Variants in STK32B observed in about 807,000 individuals in gnomAD.
STK32B encodes the protein serine/threonine kinase 32B.
STK32B carries 43 observed loss-of-function variants against 52.6 expected under a neutral mutation model. The observed-to-expected ratio is 0.82, with a 90% CI of 0.64 to 1.05. STK32B has a LOEUF of 1.05. Among genes scored for constraint, STK32B ranks in the 50% least tolerant of loss-of-function variants. STK32B has a pLI of 0.00. For missense variants in STK32B, 621 were observed against 534.6 expected, an observed-to-expected ratio of 1.16 and a Z score of -1.59; for synonymous variants, 238 against 204.3, an observed-to-expected ratio of 1.17 and a Z score of -1.41.
chr4:5,113,869 C>A (rs1196812247), intron 1 of STK32B, among the ~76,000 whole-genome samples: 1 of 152,114 alleles, frequency 6.6e-6, no homozygotes, highest in Non-Finnish European at 1.5e-5. Context: ...AGGACCGAAT[C>A]ACATCTTACG....
intron 3 of STK32B, among the ~76,000 whole-genome samples, chr4:5,176,498 C>T (rs1402148103): frequency 7.0e-6 from 1 of 142,198 alleles, no homozygotes; most frequent in South Asian, 2.2e-4. Context: ...GGCTGGAGTG[C>T]AATGGTGCAA....
intron 4 of STK32B, among the ~76,000 whole-genome samples, chr4:5,381,762 G>T (rs901753618): frequency 3.9e-5 from 6 of 152,138 alleles, no homozygotes; most frequent in African/African-American, 1.4e-4. Flanking sequence ...AGATGGTAAT[G>T]GGTTCTGGAA....
At chr4:5,493,811 T>C (rs1719955867) in intron 11 of STK32B, among the ~76,000 whole-genome samples, 1 of 152,248 alleles carries the variant, frequency 6.6e-6, no homozygotes, top group Admixed American at 6.5e-5. Context: ...AGAACATCTT[T>C]ATTTCTGCCT....
At chr4:5,270,092 A>G (rs983206653) in intron 3 of STK32B, among the ~76,000 whole-genome samples, 1 of 152,206 alleles carries the variant, frequency 6.6e-6, no homozygotes, top group African/African-American at 2.4e-5. Flanking sequence ...AATTTGGAAT[A>G]GAAGGGATCT....
the STK32B span, among the ~76,000 whole-genome samples, chr4:5,029,478 C>T: frequency 1.3e-5 from 2 of 152,120 alleles, no homozygotes; most frequent in African/African-American, 4.8e-5. Flanking sequence ...ATGCTGGTGG[C>T]CCTCAGAAGT....
intron 3 of STK32B, among the ~76,000 whole-genome samples, chr4:5,320,369 C>T (rs1178734579): frequency 6.6e-6 from 1 of 152,162 alleles, no homozygotes; most frequent in Non-Finnish European, 1.5e-5. Flanking sequence ...ACTAAGGCTG[C>T]ATGGACTGTA....
At chr4:5,193,742 C>CGAGG (rs759940855) in intron 3 of STK32B, among the ~76,000 whole-genome samples, 14 of 152,174 alleles carry the variant, frequency 9.2e-5, no homozygotes, top group Non-Finnish European at 1.8e-4. Flanking sequence ...GGTGATGACA[C>CGAGG]GAGGGCCATT....
chr4:5,434,836 A>G (rs540320469), intron 6 of STK32B, among the ~76,000 whole-genome samples: 1 of 152,334 alleles, frequency 6.6e-6, no homozygotes, highest in African/African-American at 2.4e-5. Flanking sequence ...GGCACACAGT[A>G]GACTCAATAA....
intron 4 of STK32B, among the ~76,000 whole-genome samples, chr4:5,356,768 A>C (rs542861100): frequency 1.6e-4 from 24 of 152,158 alleles, no homozygotes; most frequent in Admixed American, 5.9e-4. Flanking sequence ...AAACCGAGGC[A>C]GGTGTATCAC....
intron 3 of STK32B, among the ~76,000 whole-genome samples, chr4:5,229,420 A>G (rs1177433024): frequency 1.3e-5 from 2 of 152,192 alleles, no homozygotes; most frequent in African/African-American, 2.4e-5. Flanking sequence ...TCAATGAGAT[A>G]AATTATTAGT....
At chr4:5,249,961 T>C (rs1048772197) in intron 3 of STK32B, among the ~76,000 whole-genome samples, 3 of 152,174 alleles carry the variant, frequency 2.0e-5, no homozygotes, top group Middle Eastern at 3.2e-3. Flanking sequence ...TTTGTATCCA[T>C]GTACACTCAA....
Position 5,326,947 on chromosome 4 carries a change from C to T in STK32B, c.261-4273C>T, listed in dbSNP as rs183846854. ...AGTCAGTCCTCTCAAATCCTACAGC[C>T]GCTTTATCAACTAAGCTTATGTAAT... is the stretch of plus-strand genomic sequence containing the variant. On this transcript the variant is annotated intron_variant, in intron 3 of 11. Coordinates refer to ENST00000282908, the MANE Select transcript of STK32B (RefSeq NM_018401.3). Among the ~76,000 whole-genome samples, 5 of 152,204 alleles carry T rather than the reference C, an allele frequency of 3.3e-5. No individual in the cohort carries two copies. In the East Asian group the frequency reaches 7.7e-4, roughly 23 times the overall value.
intron 3 of STK32B, among the ~76,000 whole-genome samples, chr4:5,206,647 T>C (rs960828143): frequency 7.9e-5 from 12 of 151,198 alleles, no homozygotes; most frequent in African/African-American, 2.4e-4. Context: ...ACAAGCAGAG[T>C]GGGAGTAGCT....
intron 3 of STK32B, among the ~76,000 whole-genome samples, chr4:5,206,641 G>T (rs1364910425): frequency 1.3e-5 from 2 of 152,130 alleles, no homozygotes; most frequent in Non-Finnish European, 1.5e-5. Context: ...GCACACACAA[G>T]CAGAGTGGGA....
At chr4:5,387,652 CT>C (rs1227077533) in intron 4 of STK32B, among the ~76,000 whole-genome samples, 1 of 152,194 alleles carries the variant, frequency 6.6e-6, no homozygotes, top group Non-Finnish European at 1.5e-5. Flanking sequence ...GACTCTGCCC[CT>C]AACATCTCTG....
chr4:5,429,053 C>A (rs1389624151), intron 6 of STK32B, among the ~76,000 whole-genome samples: 1 of 152,166 alleles, frequency 6.6e-6, no homozygotes, highest in Non-Finnish European at 1.5e-5. Flanking sequence ...TGGCTGATTT[C>A]AAGTTAGCAA....
chr4:5,237,780 T>A (rs1254981810), intron 3 of STK32B, among the ~76,000 whole-genome samples: 1 of 152,094 alleles, frequency 6.6e-6, no homozygotes, highest in East Asian at 1.9e-4. Context: ...AGAGTCTGTG[T>A]TGGATGTCTC....
At chr4:5,228,327 G>C (rs1314899989) in intron 3 of STK32B, among the ~76,000 whole-genome samples, 6 of 152,216 alleles carry the variant, frequency 3.9e-5, no homozygotes, top group Admixed American at 2.0e-4. Flanking sequence ...TAATTGGAAG[G>C]GTTGCTATAT....
chr4:5,238,510 C>T (rs1430269598), intron 3 of STK32B, among the ~76,000 whole-genome samples: 1 of 152,178 alleles, frequency 6.6e-6, no homozygotes, highest in Non-Finnish European at 1.5e-5. Context: ...AATTCACCTT[C>T]TCAGATTACA....
Sources: gnomAD v4.1 joint callset for allele counts (sites outside exome capture counted in the v4.1 genomes callset) on GRCh38, gnomAD v4.1.1 for gene constraint, MANE v1.5 for transcripts, NCBI Gene and HGNC (gene_info 2026-07-23, HGNC 2026-07-21) for gene names.